Variants in SLC25A14 observed in about 807,000 individuals in gnomAD.
SLC25A14 encodes solute carrier family 25 member 14.
SLC25A14 carries 8 observed loss-of-function variants against 28.1 expected under a neutral mutation model. That is an observed-to-expected ratio of 0.28 (90% CI 0.17 to 0.51). SLC25A14 has a LOEUF of 0.51. Ranked by LOEUF, SLC25A14 falls within the 20% of genes least tolerant of loss-of-function variation. SLC25A14 has a pLI of 0.97. For synonymous variants in SLC25A14, 74 were observed against 90.6 expected, an observed-to-expected ratio of 0.82 and a Z score of 1.04; for missense variants, 135 against 263.8, an observed-to-expected ratio of 0.51 and a Z score of 3.38.
chrX:130,340,782 G>C (rs887098067), intron 2 of SLC25A14, among the ~76,000 whole-genome samples: 1 of 111,263 alleles, frequency 9.0e-6, no homozygotes, highest in African/African-American at 3.3e-5. Flanking sequence ...AATCCACTGT[G>C]TTTGCTGCAG....
In SLC25A14 at chrX:130,370,951, C is replaced by T. The variant is rs142087037; in HGVS notation, c.856-613C>T. Among the ~76,000 whole-genome samples, 560 of 111,491 alleles carry T rather than the reference C, an allele frequency of 5.0e-3. 2 individuals are homozygous for T. The highest frequency in any genetic ancestry group is 0.017 in the African/African-American group (518 of 30,638). On this transcript the variant is annotated intron_variant, in intron 9 of 10. Coordinates refer to ENST00000545805, the MANE Select transcript of SLC25A14 (RefSeq NM_001282195.2). Reference sequence around the variant, plus strand: ...AGTTGATTCTGGCTTAGGCTGTCTCCTGAGGTTGTAGTTCATATGGCAACT... The same window carrying T: ...AGTTGATTCTGGCTTAGGCTGTCTCTTGAGGTTGTAGTTCATATGGCAACT...
At chrX:130,367,136 C>T (rs1300870215) in intron 9 of SLC25A14, among the ~76,000 whole-genome samples, 4 of 111,881 alleles carry the variant, frequency 3.6e-5, no homozygotes, top group Non-Finnish European at 7.5e-5. Flanking sequence ...AGTCTGGAGA[C>T]CACACTTGGA....
intron 9 of SLC25A14, among the ~76,000 whole-genome samples, chrX:130,369,630 C>G (rs1416838167): frequency 8.9e-6 from 1 of 111,811 alleles, no homozygotes; most frequent in Admixed American, 9.5e-5. Context: ...GAGCTGAGAT[C>G]TGAATGATGA....
rs1190710380 is a variant in SLC25A14 at position 130,346,530 on chromosome X, G to A, written c.170-14G>A. 4 of 1,186,053 alleles carry A rather than the reference G, an allele frequency of 3.4e-6. No homozygotes were observed. The highest frequency in any genetic ancestry group is 4.6e-6 in the Non-Finnish European group (4 of 875,482). ...TCTTTGGACATACTTATAAATAAGT[G>A]TGTTCCTTTATAGGGACTTTCCCTG... On this transcript the variant is annotated splice_polypyrimidine_tract_variant and intron_variant, in intron 3 of 10. Coordinates refer to ENST00000545805, the MANE Select transcript of SLC25A14 (RefSeq NM_001282195.2).
At chrX:130,347,763 T>C (rs1467854889) in intron 4 of SLC25A14, among the ~76,000 whole-genome samples, 1 of 111,745 alleles carries the variant, frequency 8.9e-6, no homozygotes, top group African/African-American at 3.2e-5. Context: ...AATATTTTCT[T>C]AAGGAGTTTT....
intron 10 of SLC25A14, 89 bp from the exon 11 acceptor site, chrX:130,372,820 A>C: frequency 1.6e-6 from 1 of 642,344 alleles, no homozygotes; most frequent in Non-Finnish European, 2.6e-6. Context: ...AGCATAGACT[A>C]CCTTAATTTA....
intron 6 of SLC25A14, among the ~76,000 whole-genome samples, chrX:130,356,296 G>A (rs1400449434): frequency 2.1e-5 from 2 of 93,927 alleles, no homozygotes; most frequent in African/African-American, 4.1e-5. Flanking sequence ...GCATGATCTC[G>A]GCTCACTGCA....
intron 7 of SLC25A14, among the ~76,000 whole-genome samples, chrX:130,362,371 G>T (rs2033998622): frequency 9.1e-6 from 1 of 109,924 alleles, no homozygotes; most frequent in African/African-American, 3.3e-5. Context: ...TATAAATTGA[G>T]TTTGGGAACT....
rs1388014278 is a variant in SLC25A14 at position 130,349,232 on chromosome X, T to C, written c.318-19T>C. The C allele has an allele frequency of 9.0e-7, 1 of 1,106,110 alleles. No homozygotes were observed. 91.2% of individuals were successfully genotyped at this position (1,106,110 alleles called of 1,213,427 possible). On this transcript the variant is annotated intron_variant, in intron 4 of 10. Transcript: ENST00000545805. Reference sequence around the variant, plus strand: ...ATCTGAAAATGTTGAGAATAACTTTTTACTTTTTTTTTTTTCAGAATTGCT... The same window carrying C: ...ATCTGAAAATGTTGAGAATAACTTTCTACTTTTTTTTTTTTCAGAATTGCT...
chrX:130,372,611 C>T (rs1478904940), intron 10 of SLC25A14, among the ~76,000 whole-genome samples: 1 of 109,033 alleles, frequency 9.2e-6, no homozygotes, highest in African/African-American at 3.3e-5. Context: ...TACAGGCACC[C>T]GCCACCACAC....
chrX:130,363,553 G>A (rs762954172), intron 7 of SLC25A14, among the ~76,000 whole-genome samples: 93 of 111,083 alleles, frequency 8.4e-4, no homozygotes, highest in African/African-American at 3.0e-3. Flanking sequence ...AGTTCTCTTG[G>A]GTATATACCT....
intron 2 of SLC25A14, among the ~76,000 whole-genome samples, chrX:130,342,874 A>G (rs938586311): frequency 1.0e-5 from 1 of 99,479 alleles, no homozygotes; most frequent in Admixed American, 1.1e-4. Flanking sequence ...CATTTAGCTG[A>G]AAAAAAAAAA....
intron 6 of SLC25A14, among the ~76,000 whole-genome samples, chrX:130,354,258 C>T (rs1203604883): frequency 9.1e-6 from 1 of 110,385 alleles, no homozygotes; most frequent in Non-Finnish European, 1.9e-5. Context: ...GGACTACAGG[C>T]GCCCGCCACC....
Position 130,350,702 on chromosome X carries a change from A to G in SLC25A14, c.469A>G (p.Thr157Ala). 8.6e-7 allele frequency: 1 copy of G among 1,156,586 alleles called. No homozygotes were observed. The highest frequency in any genetic ancestry group is 1.2e-6 in the Non-Finnish European group (1 of 847,939). The change falls in exon 6 of 11, where the codon ACT becomes GCT. Residue 157 changes from threonine (T) to alanine (A), a missense_variant. Physicochemically the swap from Thr to Ala is moderately conservative, Grantham distance 58. Transcript: ENST00000545805. ...CGVVSGVISS[T>A]IANPTDVLKI... ...GGTAGTGTCAGGAGTGATATCTTCC[A>G]CTATAGCCAATCCCACCGATGTTCT...
At chrX:130,371,872 A>G (rs745546611) in intron 10 of SLC25A14, among the ~76,000 whole-genome samples, 3 of 112,285 alleles carry the variant, frequency 2.7e-5, no homozygotes, top group African/African-American at 9.7e-5. Context: ...AAACAAAATG[A>G]CAACAAACAC....
chrX:130,353,986 A>G (rs1488590932), intron 6 of SLC25A14, among the ~76,000 whole-genome samples: 1 of 110,342 alleles, frequency 9.1e-6, no homozygotes, highest in Non-Finnish European at 1.9e-5. Context: ...AGCTTCATTC[A>G]TGGGCTTCCT....
intron 6 of SLC25A14, among the ~76,000 whole-genome samples, chrX:130,358,309 A>G (rs1375320612): frequency 9.0e-6 from 1 of 111,664 alleles, no homozygotes; most frequent in Non-Finnish European, 1.9e-5. Context: ...AGTTGTTTCT[A>G]ATTTTTCACT....
At chrX:130,359,780 G>T (rs1422579395) in intron 7 of SLC25A14, among the ~76,000 whole-genome samples, 1 of 111,144 alleles carries the variant, frequency 9.0e-6, no homozygotes, top group Non-Finnish European at 1.9e-5. Context: ...CTATGAGCTG[G>T]ATTTGATGGC....
At chrX:130,372,469 AT>A (rs200630411) in intron 10 of SLC25A14, among the ~76,000 whole-genome samples, 22 of 54,870 alleles carry the variant, frequency 4.0e-4, no homozygotes, top group Non-Finnish European at 4.8e-4. Context: ...ATTTATTTTT[AT>A]TTTTTTTTTT....
Sources: gnomAD v4.1 joint callset for allele counts (sites outside exome capture counted in the v4.1 genomes callset) on GRCh38, gnomAD v4.1.1 for gene constraint, MANE v1.5 for transcripts, NCBI Gene and HGNC (gene_info 2026-07-23, HGNC 2026-07-21) for gene names.